CCDC73: variants seen among roughly 807,000 people sequenced by gnomAD.
The protein encoded by CCDC73 is coiled-coil domain containing 73, also known as coiled-coil domain-containing protein 73.
In CCDC73, 95 loss-of-function variants were observed where a neutral mutation model predicts 116.5. The observed-to-expected ratio is 0.82, with a 90% CI of 0.69 to 0.97. The LOEUF (loss-of-function observed/expected upper bound fraction) is 0.97, where lower values mean the gene tolerates loss of function less well. CCDC73 is among the 50% of genes least tolerant of loss of function. CCDC73 has a pLI of 0.00. For synonymous variants in CCDC73, 398 were observed against 401.3 expected, an observed-to-expected ratio of 0.99 and a Z score of 0.10; for missense variants, 1,066 against 1,206.8, an observed-to-expected ratio of 0.88 and a Z score of 1.73.
intron 7 of CCDC73, chr11:32,681,328 A>G (rs1220080193): frequency 3.9e-5 from 6 of 152,046 alleles, no homozygotes; most frequent in African/African-American, 1.4e-4. Context: ...AAAAATTTGT[A>G]TCAATGACCA....
chr11:32,677,196 G>C (rs1281435331), intron 7 of CCDC73, among the ~76,000 whole-genome samples: 2 of 152,094 alleles, frequency 1.3e-5, no homozygotes, highest in African/African-American at 4.8e-5. Flanking sequence ...TTGTCTTATA[G>C]AGTTTTAATA....
chr11:32,736,474 T>TGC (rs1850129925), intron 2 of CCDC73, among the ~76,000 whole-genome samples: 2 of 152,188 alleles, frequency 1.3e-5, no homozygotes, highest in Admixed American at 1.3e-4. Context: ...CCATCTCACA[T>TGC]CAGTTAGAAC....
intron 6 of CCDC73, among the ~76,000 whole-genome samples, chr11:32,688,147 A>C (rs2133300604): frequency 6.6e-6 from 1 of 152,340 alleles, no homozygotes; most frequent in African/African-American, 2.4e-5. Flanking sequence ...GAAAAGATTA[A>C]CTTTACAGTG....
chr11:32,699,874 T>TA (rs200475969), intron 5 of CCDC73, among the ~76,000 whole-genome samples: 77 of 25,760 alleles, frequency 3.0e-3, no homozygotes, highest in Admixed American at 9.2e-3. Context: ...GAACTTAGAT[T>TA]AAAAAATATA....
chr11:32,744,538 T>C (rs1272130599), intron 2 of CCDC73, among the ~76,000 whole-genome samples: 1 of 152,242 alleles, frequency 6.6e-6, no homozygotes, highest in Non-Finnish European at 1.5e-5. Context: ...CGTCTGGTCC[T>C]GGACTTTCTT....
chr11:32,676,019 T>C lies in CCDC73; in HGVS notation c.432A>G (p.Glu144=), dbSNP rs1485527082. 2 of 1,587,564 alleles carry C rather than the reference T, an allele frequency of 1.3e-6. No homozygotes were observed. The highest frequency in any genetic ancestry group is 1.7e-6 in the Non-Finnish European group (2 of 1,171,916). Reference sequence around the variant, plus strand: ...CCAGAAGATGTAACTGGACCTTTTGTTCCTATTTTGAAGAGTAATTTTAAA... The same window carrying C: ...CCAGAAGATGTAACTGGACCTTTTGCTCCTATTTTGAAGAGTAATTTTAAA... ...YSLQKKVSEM[E]QKVQLHLLAK... The change falls in exon 8 of 18, where the codon GAA becomes GAG. Residue 144 remains glutamate (E), a splice_region_variant and synonymous_variant. Coordinates refer to ENST00000335185, the MANE Select transcript of CCDC73 (RefSeq NM_001008391.4).
chr11:32,679,747 C>A (rs1856127225), intron 7 of CCDC73: 1 of 152,116 alleles, frequency 6.6e-6, no homozygotes. Context: ...AATACATGAT[C>A]CCACAAAAGC....
chr11:32,729,363 T>C (rs767358515), intron 2 of CCDC73, among the ~76,000 whole-genome samples: 12 of 152,390 alleles, frequency 7.9e-5, no homozygotes, highest in Non-Finnish European at 1.6e-4. Context: ...TTCCTTTTTA[T>C]GGCTGCATAA....
At position 32,701,882 on chromosome 11, in the gene CCDC73, C is replaced by T. The variant is rs79271514; in HGVS notation, c.279+991G>A. Among the ~76,000 whole-genome samples the T allele has an allele frequency of 6.2e-3, 937 of 151,878 alleles. 12 individuals are homozygous for T. The highest frequency in any genetic ancestry group is 0.022 in the African/African-American group (894 of 41,432). ...TTCAAGATCCCCTTCTTTTAAAAAG[C>T]ACACACACACACAAAGAAAAAAACA... On this transcript the variant is annotated intron_variant, in intron 4 of 17. Coordinates refer to ENST00000335185, the MANE Select transcript of CCDC73 (RefSeq NM_001008391.4).
chr11:32,615,724 G>A (rs1193719291), intron 15 of CCDC73: 2 of 396,984 alleles, frequency 5.0e-6, no homozygotes, highest in East Asian at 5.9e-5. Flanking sequence ...TTACAGAAAG[G>A]TTATCTGAAT....
intron 2 of CCDC73, among the ~76,000 whole-genome samples, chr11:32,755,953 CTATA>C (rs373567593): frequency 3.6e-5 from 1 of 28,114 alleles, no homozygotes; most frequent in Non-Finnish European, 5.7e-5. Flanking sequence ...ATATATATAT[CTATA>C]TATATATCTC....
At chr11:32,741,014 T>C (rs1027166708) in intron 2 of CCDC73, among the ~76,000 whole-genome samples, 7 of 152,184 alleles carry the variant, frequency 4.6e-5, no homozygotes, top group African/African-American at 1.7e-4. Context: ...TCCAGTTTTA[T>C]GCCATTGTTG....
intron 14 of CCDC73, among the ~76,000 whole-genome samples, chr11:32,623,641 A>T (rs1565059113): frequency 6.6e-6 from 1 of 152,206 alleles, no homozygotes; most frequent in Non-Finnish European, 1.5e-5. Context: ...TGCATGAGCC[A>T]CCATGCCCAG....
intron 4 of CCDC73, among the ~76,000 whole-genome samples, chr11:32,702,362 A>T (rs1238904724): frequency 2.0e-5 from 3 of 151,966 alleles, no homozygotes; most frequent in African/African-American, 7.3e-5. Flanking sequence ...GATTCATTTG[A>T]TTTTTTTTCT....
chr11:32,749,924 G>A (rs1420959868), intron 2 of CCDC73, among the ~76,000 whole-genome samples: 5 of 149,918 alleles, frequency 3.3e-5, no homozygotes, highest in African/African-American at 7.4e-5. Flanking sequence ...AGGCTGGAGT[G>A]CAATGGCACA....
At chr11:32,619,999 A>C (rs543995140) in intron 14 of CCDC73, among the ~76,000 whole-genome samples, 108 of 152,342 alleles carry the variant, frequency 7.1e-4, no homozygotes, top group Non-Finnish European at 1.4e-3. Flanking sequence ...AGGGAGAGGC[A>C]AAGAGAGAGA....
At chr11:32,657,606 T>C (rs1855885373) in intron 9 of CCDC73, among the ~76,000 whole-genome samples, 1 of 152,068 alleles carries the variant, frequency 6.6e-6, no homozygotes, top group South Asian at 2.1e-4. Flanking sequence ...GCCTTCTGGC[T>C]CCTGATTGGG....
rs974269182 is a variant in CCDC73 at position 32,717,962 on chromosome 11, C to T, written c.207+114G>A. 1.6e-5 allele frequency: 11 copies of T among 684,376 alleles called. No homozygotes were observed. In the East Asian group the frequency reaches 2.4e-4, roughly 15 times the overall value. 42.4% of individuals were successfully genotyped at this position (684,376 alleles called of 1,614,324 possible). On this transcript the variant is annotated intron_variant, in intron 3 of 17. Coordinates refer to ENST00000335185, the MANE Select transcript of CCDC73 (RefSeq NM_001008391.4). ...TCAGGAGAACAGCATGGGGAAACTG[C>T]CCAAATGATTCAATTACCTCCACCT...
At chr11:32,731,621 G>T (rs1224982801) in intron 2 of CCDC73, among the ~76,000 whole-genome samples, 3 of 152,150 alleles carry the variant, frequency 2.0e-5, no homozygotes, top group Admixed American at 6.6e-5. Flanking sequence ...TTGCAGTTCT[G>T]CAGCCTCTGC....
Sources: allele counts gnomAD v4.1 joint callset (sites outside exome capture counted in the v4.1 genomes callset), GRCh38; gene constraint gnomAD v4.1.1; transcripts MANE v1.5; gene names NCBI Gene and HGNC (gene_info 2026-07-23, HGNC 2026-07-21).